PITPNM2: variants seen among roughly 807,000 people sequenced by gnomAD.
PITPNM2 encodes phosphatidylinositol transfer protein membrane associated 2.
In PITPNM2, 35 loss-of-function variants were observed where a neutral mutation model predicts 132.2. The ratio of observed to expected loss-of-function variants is 0.26; its 90% CI spans 0.20 to 0.35. The LOEUF (loss-of-function observed/expected upper bound fraction) is 0.35, where lower values mean the gene tolerates loss of function less well. PITPNM2 is among the 10% of genes least tolerant of loss of function. The probability of loss-of-function intolerance (pLI) is 1.00; values close to 1 mark genes in which losing one functional copy is unlikely to be tolerated. For missense variants in PITPNM2, 1,332 were observed against 1,912.0 expected, an observed-to-expected ratio of 0.70 and a Z score of 5.66; for synonymous variants, 738 against 799.2, an observed-to-expected ratio of 0.92 and a Z score of 1.29.
chr12:123,099,601 T>C lies in PITPNM2; in HGVS notation c.-96+10784A>G, dbSNP rs1440149730. On this transcript the variant is annotated intron_variant, in intron 2 of 25. Transcript: ENST00000320201. This position sits in a 1 kb window ranked among gnomAD's most constrained non-coding sequence, Gnocchi z 4.2. The stretch of plus-strand genomic sequence containing the variant: ...CCAGTGCAGAGGAAAACTAGGCATG[T>C]AGCTAAGGGCTGGGTTAACCTTCTC... 6.6e-6 allele frequency among the ~76,000 whole-genome samples: 1 copy of C among 152,128 alleles called. No homozygotes were observed. The highest frequency in any genetic ancestry group is 1.5e-5 in the Non-Finnish European group (1 of 68,010).
chr12:122,995,571 A>G lies in PITPNM2; in HGVS notation c.1872T>C (p.Ser624=), dbSNP rs1020703726. 1.9e-6 allele frequency: 3 copies of G among 1,606,766 alleles called. No individual in the cohort carries two copies. The highest frequency in any genetic ancestry group is 2.5e-6 in the Non-Finnish European group (3 of 1,179,598). ...GGGGGGGGGS[S]GGGGSSGGSS... ...AGCCACCACTACTGCCACCACCACC[A>G]CTGCTGCCACCACCGCCACCGCCGC... The change falls in exon 14 of 26, where the codon AGT becomes AGC. Residue 624 remains serine, a synonymous_variant. Transcript: ENST00000320201.
Position 122,994,871 on chromosome 12 carries a change from G to C in PITPNM2, c.2163C>G (p.Asp721Glu). 6.2e-7 allele frequency: 1 copy of C among 1,612,396 alleles called. No individual in the cohort carries two copies. Among genetic ancestry groups the C allele is most frequent in the Non-Finnish European group, 8.5e-7 (1 of 1,179,974 alleles). ...ALGRFDFEIT[D>E]LFLFGCPLGL... ...CCAGCGGGCACCCGAAGAGGAAGAG[G>C]TCGGTGATCTCAAAGTCAAACCTGC... The change falls in exon 15 of 26, where the codon GAC (aspartate) becomes GAG (glutamate). Residue 721 changes from aspartate to glutamate, a missense_variant. Physicochemically the swap from Asp to Glu is conservative, Grantham distance 45. Transcript: ENST00000320201. This position sits in a 1 kb window ranked among gnomAD's most constrained non-coding sequence, Gnocchi z 5.4.
At chr12:123,133,910 G>C (rs1029562104) in intron 1 of PITPNM2, among the ~76,000 whole-genome samples, 10 of 152,186 alleles carry the variant, frequency 6.6e-5, no homozygotes, top group Non-Finnish European at 1.5e-4. Flanking sequence ...TTGAACTCCT[G>C]ACCTCAGGTG....
At chr12:123,028,756 C>T (rs1251063994) in intron 3 of PITPNM2, among the ~76,000 whole-genome samples, 1 of 152,128 alleles carries the variant, frequency 6.6e-6, no homozygotes, top group African/African-American at 2.4e-5. Flanking sequence ...CCCCAGGAAC[C>T]GCAGGTTAGA....
chr12:123,110,388 T>TACTTCTCA lies in PITPNM2; in HGVS notation c.-100_-99insTGAGAAGT, dbSNP rs2042812089. 1 of 152,306 alleles carries TACTTCTCA rather than the reference T, an allele frequency of 6.6e-6. No homozygotes were observed. The highest frequency in any genetic ancestry group is 2.1e-4 in the South Asian group (1 of 4,830). The allele number at this position is 152,306 out of a possible 1,614,324, so 9.4% of individuals were successfully genotyped here. A position where few individuals can be genotyped will look rare whatever the true frequency, so the allele number is the denominator to read the frequency against. ...CTGCACAGGTGGACGGCCTTACCTG[T>TACTTCTCA]GGGTCTGAGAAGGCTCCACTGATGT... is the stretch of plus-strand genomic sequence containing the variant. On this transcript the variant is annotated 5_prime_UTR_variant, in exon 2 of 26. Transcript: ENST00000320201.
At chr12:123,112,512 A>G (rs1271775932) in intron 1 of PITPNM2, among the ~76,000 whole-genome samples, 1 of 151,586 alleles carries the variant, frequency 6.6e-6, no homozygotes, top group East Asian at 1.9e-4. Flanking sequence ...CATTCCTTTA[A>G]GTTTTAAATC....
Position 122,992,582 on chromosome 12 carries a change from T to C in PITPNM2, c.2321A>G (p.Glu774Gly). The C allele has an allele frequency of 6.2e-7, 1 of 1,611,332 alleles. No individual in the cohort carries two copies. Residue 774 changes from glutamate to glycine, a missense_variant, in exon 16 of 26, where the codon GAA becomes GGA. Physicochemically the swap from Glu to Gly is moderately conservative, Grantham distance 98. This residue lies in a region of PITPNM2 where 710 missense variants were observed against 911.5 expected (regional missense o/e 0.78). Transcript: ENST00000320201. This position sits in a 1 kb window ranked among gnomAD's most constrained non-coding sequence, Gnocchi z 6.5. ...AGGCGGCAGGGCGTGAAAGCGCCGTTCCAGCAGCGGCTCCAGGCGTGAAGC... is the reference window on the plus strand; with the variant it reads ...AGGCGGCAGGGCGTGAAAGCGCCGTCCCAGCAGCGGCTCCAGGCGTGAAGC... ...PSASRLEPLLERRFHALPPFS... is the reference protein window; with the variant it reads ...PSASRLEPLLGRRFHALPPFS...
intron 2 of PITPNM2, among the ~76,000 whole-genome samples, chr12:123,042,400 A>T (rs1403837369): frequency 6.6e-6 from 1 of 152,178 alleles, no homozygotes; most frequent in Non-Finnish European, 1.5e-5. Context: ...AAGCACGAGA[A>T]TTGTGTTTAT....
Position 122,990,584 on chromosome 12 carries a change from C to G in PITPNM2, c.2530G>C (p.Gly844Arg). 2 of 1,613,002 alleles carry G rather than the reference C, an allele frequency of 1.2e-6. No individual in the cohort carries two copies. The highest frequency in any genetic ancestry group is 1.7e-6 in the Non-Finnish European group (2 of 1,180,000). The change falls in exon 17 of 26, where the codon GGC becomes CGC. Residue 844 changes from glycine (G) to arginine (R), a missense_variant. Physicochemically the swap from Gly to Arg is moderately radical, Grantham distance 125. Around this residue, in one of 6 missense-constraint regions of PITPNM2, gnomAD observed 710 missense variants for 911.5 expected, o/e 0.78. Coordinates refer to ENST00000320201, the MANE Select transcript of PITPNM2 (RefSeq NM_020845.3). ...SEISIASQVS[G>R]MAESYTASSI... ...GATGCCGTGTAGCTCTCAGCCATGC[C>G]TGACACCTGGCTGGCGATGCTGATC...
chr12:123,144,425 T>C (rs980178695), intron 1 of PITPNM2, among the ~76,000 whole-genome samples: 2 of 152,146 alleles, frequency 1.3e-5, no homozygotes, highest in Admixed American at 1.3e-4. Flanking sequence ...ACATATTAAA[T>C]AGGGTGTCTT....
chr12:123,012,676 C>T lies in PITPNM2; in HGVS notation c.352G>A (p.Asp118Asn). 1 of 1,614,162 alleles carries T rather than the reference C, an allele frequency of 6.2e-7. No individual in the cohort carries two copies. The change falls in exon 5 of 26, where the codon GAT (aspartate) becomes AAT (asparagine). Residue 118 changes from aspartate (D) to asparagine (N), a missense_variant. Physicochemically the swap from Asp to Asn is conservative, Grantham distance 23. Transcript: ENST00000320201. ...SIDIETFYKT[D>N]AGENPDVFNL... The stretch of plus-strand genomic sequence containing the variant: ...AACACGTCGGGGTTTTCTCCAGCAT[C>T]AGTTTTATAAAAGGTTTCAATGTCG...
Position 123,009,582 on chromosome 12 carries a change from T to A in PITPNM2, c.643+268A>T, listed in dbSNP as rs2039093793. Among the ~76,000 whole-genome samples the A allele has an allele frequency of 6.6e-6, 1 of 152,180 alleles. No individual in the cohort carries two copies. Among genetic ancestry groups the A allele is most frequent in the African/African-American group, 2.4e-5 (1 of 41,452 alleles). ...AAATGCGAACTAGGTCAGGAATGTC[T>A]GGGGGCAGTGCCTAGGGCTTCTTCA... On this transcript the variant is annotated intron_variant, in intron 6 of 25. Coordinates refer to ENST00000320201, the MANE Select transcript of PITPNM2 (RefSeq NM_020845.3). The surrounding 1 kb of genome is among the most constrained non-coding windows in gnomAD (Gnocchi z 4.8).
chr12:123,135,993 T>C (rs1168736034), intron 1 of PITPNM2, among the ~76,000 whole-genome samples: 4 of 152,204 alleles, frequency 2.6e-5, no homozygotes, highest in Non-Finnish European at 5.9e-5. Flanking sequence ...TAATTTCCCA[T>C]GAACATACAT....
At position 123,019,846 on chromosome 12, in the gene PITPNM2, G is replaced by A. The variant is rs114353464; in HGVS notation, c.79-5804C>T. On this transcript the variant is annotated intron_variant, in intron 3 of 25. Transcript: ENST00000320201. The stretch of plus-strand genomic sequence containing the variant: ...CATGTGATTAGAAGACATGAGGGGA[G>A]GCCTTCACTCAGCCTCAGGGGGGTC... Among the ~76,000 whole-genome samples, 309 of 152,310 alleles carry A rather than the reference G, an allele frequency of 2.0e-3. 1 individual carries two copies. The highest frequency in any genetic ancestry group is 7.1e-3 in the African/African-American group (293 of 41,560).
In PITPNM2 at chr12:122,992,698, T is replaced by C; in HGVS notation, c.2234-29A>G. 3 of 1,447,168 alleles carry C rather than the reference T, an allele frequency of 2.1e-6. No homozygotes were observed. Among genetic ancestry groups the C allele is most frequent in the Non-Finnish European group, 2.8e-6 (3 of 1,078,660 alleles). 89.6% of individuals were successfully genotyped at this position (1,447,168 alleles called of 1,614,324 possible). On this transcript the variant is annotated intron_variant, in intron 15 of 25. Coordinates refer to ENST00000320201, the MANE Select transcript of PITPNM2 (RefSeq NM_020845.3). The surrounding 1 kb of genome is among the most constrained non-coding windows in gnomAD (Gnocchi z 6.5). The stretch of plus-strand genomic sequence containing the variant: ...GGGGTGGGGGTGTTGGCTGCAGAGC[T>C]GGGGCTGGCCCTGAGGAGCAGTGGT...
chr12:123,103,286 G>A (rs1198699229), intron 2 of PITPNM2, among the ~76,000 whole-genome samples: 4 of 152,152 alleles, frequency 2.6e-5, no homozygotes, highest in African/African-American at 7.2e-5. Flanking sequence ...GGGTTTGCTC[G>A]TCTGTCTCCC....
chr12:123,095,520 C>T lies in PITPNM2; in HGVS notation c.-96+14865G>A, dbSNP rs923398505. ...CCAGCCTGCCCCCTCCTCCCCCCGC[C>T]TCCGACCTGTCACCCAGATGAAGTG... On this transcript the variant is annotated intron_variant, in intron 2 of 25. Transcript: ENST00000320201. The surrounding 1 kb of genome is among the most constrained non-coding windows in gnomAD (Gnocchi z 5.0). Among the ~76,000 whole-genome samples the T allele has an allele frequency of 1.3e-5, 2 of 152,206 alleles. No individual in the cohort carries two copies. Among genetic ancestry groups the T allele is most frequent in the African/African-American group, 4.8e-5 (2 of 41,450 alleles).
chr12:123,005,214 G>A lies in PITPNM2; in HGVS notation c.952+26C>T, dbSNP rs757013300. ...CCTTGAGGGGAGGGACCTTGAGTGT[G>A]GGTGGCAGGTGGCGCAGGGCCTTAC... On this transcript the variant is annotated intron_variant, in intron 7 of 25. Transcript: ENST00000320201. This position sits in a 1 kb window ranked among gnomAD's most constrained non-coding sequence, Gnocchi z 6.2. 2 of 1,597,606 alleles carry A rather than the reference G, an allele frequency of 1.3e-6. No individual in the cohort carries two copies. The highest frequency in any genetic ancestry group is 2.7e-5 in the African/African-American group (2 of 74,548).
chr12:123,094,794 G>A (rs767813595), intron 2 of PITPNM2, among the ~76,000 whole-genome samples: 3 of 152,066 alleles, frequency 2.0e-5, no homozygotes, highest in Non-Finnish European at 2.9e-5. Context: ...TCTAAGAATC[G>A]AAGGCCTTGG....
Sources: allele counts gnomAD v4.1 joint callset (sites outside exome capture counted in the v4.1 genomes callset), GRCh38; gene constraint gnomAD v4.1.1; regional missense constraint gnomAD v4.1.1; non-coding constraint Gnocchi (gnomAD v3.1); transcripts MANE v1.5; gene names NCBI Gene and HGNC (gene_info 2026-07-23, HGNC 2026-07-21).